The following ASAP1 variants were observed in gnomAD, a reference collection of about 807,000 sequenced individuals.
ASAP1 encodes arf-GAP with SH3 domain, ANK repeat and PH domain-containing protein 1.
In ASAP1, 43 loss-of-function variants were observed where a neutral mutation model predicts 145.2. The ratio of observed to expected loss-of-function variants is 0.30; its 90% CI spans 0.23 to 0.38. The LOEUF (loss-of-function observed/expected upper bound fraction) is 0.38. Ranked by LOEUF, ASAP1 falls within the 10% of genes least tolerant of loss-of-function variation. ASAP1 has a pLI of 1.00. For missense variants in ASAP1, 1,018 were observed against 1,355.3 expected (o/e 0.75, Z 3.91); for synonymous variants, 546 against 515.5 (o/e 1.06, Z -0.80).
At chr8:130,194,143 A>C (rs1014486696) in intron 5 of ASAP1, among the ~76,000 whole-genome samples, 1 of 152,240 alleles carries the variant, frequency 6.6e-6, no homozygotes, top group Non-Finnish European at 1.5e-5. Context: ...TGAATTCAGA[A>C]TGTTCCCAGT....
At chr8:130,275,332 A>C (rs1422437935) in intron 3 of ASAP1, among the ~76,000 whole-genome samples, 1 of 152,268 alleles carries the variant, frequency 6.6e-6, no homozygotes, top group Non-Finnish European at 1.5e-5. Context: ...AGAGCTAAAG[A>C]AAGCCACTAA....
chr8:130,369,287 A>C (rs966567432), intron 2 of ASAP1, among the ~76,000 whole-genome samples: 1 of 152,236 alleles, frequency 6.6e-6, no homozygotes, highest in Non-Finnish European at 1.5e-5. Flanking sequence ...TGTTACATAT[A>C]AACCTTATAC....
intron 12 of ASAP1, among the ~76,000 whole-genome samples, chr8:130,153,363 A>ATGTG (rs1322154126): frequency 4.6e-5 from 4 of 87,204 alleles, no homozygotes; most frequent in African/African-American, 1.8e-4. Flanking sequence ...ATATATGTAT[A>ATGTG]TATATATATA....
chr8:130,227,937 T>C (rs1490072924), intron 4 of ASAP1, among the ~76,000 whole-genome samples: 1 of 151,904 alleles, frequency 6.6e-6, no homozygotes, highest in Non-Finnish European at 1.5e-5. Flanking sequence ...AGTTGGCGAG[T>C]CTGAGGGAAG....
chr8:130,251,300 C>A (rs1304260624), intron 3 of ASAP1, among the ~76,000 whole-genome samples: 1 of 152,074 alleles, frequency 6.6e-6, no homozygotes, highest in Non-Finnish European at 1.5e-5. Flanking sequence ...CACTTGTAAT[C>A]CCAGCTAGTC....
At chr8:130,393,115 T>C (rs528724713) in intron 2 of ASAP1, among the ~76,000 whole-genome samples, 3 of 152,370 alleles carry the variant, frequency 2.0e-5, no homozygotes, top group Non-Finnish European at 4.4e-5. Context: ...TTTTCATCCT[T>C]CTGCCCCTAA....
intron 24 of ASAP1, among the ~76,000 whole-genome samples, chr8:130,097,197 C>T (rs2097520215): frequency 6.9e-6 from 1 of 145,482 alleles, no homozygotes; most frequent in Non-Finnish European, 1.5e-5. Flanking sequence ...CCCACTGGTG[C>T]CTGTTCTCAC....
intron 3 of ASAP1, among the ~76,000 whole-genome samples, chr8:130,263,054 T>G (rs1820034751): frequency 6.6e-6 from 1 of 152,350 alleles, no homozygotes; most frequent in Non-Finnish European, 1.5e-5. Flanking sequence ...AAATACCTGA[T>G]TTTTACTAAT....
intron 2 of ASAP1, among the ~76,000 whole-genome samples, chr8:130,371,544 G>A (rs541911119): frequency 1.3e-5 from 2 of 152,350 alleles, no homozygotes; most frequent in East Asian, 1.9e-4. Flanking sequence ...CCAGTGAGAT[G>A]TAAGCAGAAA....
At chr8:130,395,698 ACT>A (rs1223433046) in intron 2 of ASAP1, among the ~76,000 whole-genome samples, 1 of 149,758 alleles carries the variant, frequency 6.7e-6, no homozygotes, top group African/African-American at 2.5e-5. Context: ...ACAGAGTCTC[ACT>A]CTGTCACACA....
At chr8:130,435,527 G>A (rs77388067) in intron 1 of ASAP1, among the ~76,000 whole-genome samples, 2,822 of 152,198 alleles carry the variant, frequency 0.019, 83 homozygotes, top group African/African-American at 0.065. Flanking sequence ...CATTACTAAT[G>A]TTCTGTTACA....
At chr8:130,381,636 G>A (rs73711687) in intron 2 of ASAP1, among the ~76,000 whole-genome samples, 2,294 of 152,126 alleles carry the variant, frequency 0.015, 74 homozygotes, top group African/African-American at 0.052. Context: ...GAATCACTAC[G>A]GTGGCTTCTC....
chr8:130,123,957 G>A, intron 18 of ASAP1, 56 bp downstream of exon 18: 2 of 1,347,652 alleles, frequency 1.5e-6, no homozygotes, highest in East Asian at 4.6e-5. Flanking sequence ...TTTTGGAAGG[G>A]TAGAAAAACA....
intron 3 of ASAP1, among the ~76,000 whole-genome samples, chr8:130,307,980 G>A (rs950406520): frequency 2.0e-5 from 3 of 152,160 alleles, no homozygotes; most frequent in African/African-American, 7.2e-5. Context: ...CTCAAAAGTT[G>A]TCTCCATTTC....
chr8:130,168,176 TTATA>T (rs2097683887), intron 10 of ASAP1, among the ~76,000 whole-genome samples: 1 of 152,222 alleles, frequency 6.6e-6, no homozygotes, highest in Non-Finnish European at 1.5e-5. Flanking sequence ...TTCTTTGTAA[TTATA>T]AAACTTTATT....
intron 24 of ASAP1, among the ~76,000 whole-genome samples, chr8:130,101,123 T>C (rs2097528007): frequency 6.6e-6 from 1 of 152,252 alleles, no homozygotes. Context: ...TTCTATGTTC[T>C]GTTCCACTGG....
At chr8:130,163,263 ACTT>A (rs1283200741) in intron 11 of ASAP1, 1 of 152,224 alleles carries the variant, frequency 6.6e-6, no homozygotes, top group African/African-American at 2.4e-5. Context: ...AAATAAAAAT[ACTT>A]CTTTTAAACA....
At chr8:130,063,637 C>T (rs1167891858) in intron 27 of ASAP1, among the ~76,000 whole-genome samples, 1 of 152,138 alleles carries the variant, frequency 6.6e-6, no homozygotes, top group Admixed American at 6.5e-5. Flanking sequence ...CCTAAGAGCC[C>T]CGCGATGTGG....
In ASAP1 at chr8:130,224,559, A is replaced by C. The variant is rs377326199; in HGVS notation, c.260-9858T>G. Among the ~76,000 whole-genome samples, 72 of 152,292 alleles carry C rather than the reference A, an allele frequency of 4.7e-4. 2 individuals are homozygous for C. The South Asian group carries it at 0.014, about 29-fold the overall frequency. ...AAAAAAGATATACACACACATACAG[A>C]CACACAAATATAGGTGTTTTCACCC... On this transcript the variant is annotated intron_variant, in intron 4 of 29. Coordinates refer to ENST00000518721, the MANE Select transcript of ASAP1 (RefSeq NM_018482.4).
Sources: allele counts gnomAD v4.1 joint callset (sites outside exome capture counted in the v4.1 genomes callset), GRCh38; gene constraint gnomAD v4.1.1; transcripts MANE v1.5; gene names NCBI Gene and HGNC (gene_info 2026-07-23, HGNC 2026-07-21).